Variants in PTP4A1 observed in about 807,000 individuals in gnomAD.
PTP4A1 encodes protein tyrosine phosphatase type IVA 1.
In PTP4A1, 9 loss-of-function variants were observed where a neutral mutation model predicts 20.5. The observed-to-expected ratio is 0.44, with a 90% confidence interval of 0.26 to 0.77. The LOEUF is 0.77. PTP4A1 is among the 30% of genes least tolerant of loss of function. The probability of loss-of-function intolerance (pLI) is 0.19; values close to 1 mark genes in which losing one functional copy is unlikely to be tolerated. For synonymous variants in PTP4A1, 78 were observed against 67.4 expected, an observed-to-expected ratio of 1.16 and a Z score of -0.77; for missense variants, 137 against 218.8, an observed-to-expected ratio of 0.63 and a Z score of 2.36.
rs1778296548 is a variant in PTP4A1, at chr6:63,582,424, C to G, written c.*2250C>G. On this transcript the variant is annotated 3_prime_UTR_variant, in exon 6 of 6. Transcript: ENST00000626021. ...AAATAAATTAATTTACTTTATAAAC[C>G]TTATCTGTACATTATACGATGTGAT... 6.6e-6 allele frequency: 1 copy of G among 152,426 alleles called. No homozygotes were observed. The highest frequency in any genetic ancestry group is 2.4e-5 in the African/African-American group (1 of 41,378). 9.4% of individuals were successfully genotyped at this position (152,426 alleles called of 1,614,324 possible). A position where few individuals can be genotyped will look rare whatever the true frequency, so the allele number is the denominator to read the frequency against.
At chr6:63,570,322 C>T (rs1777362272), upstream of PTP4A1, among the ~76,000 whole-genome samples, 1 of 152,196 alleles carries the variant, frequency 6.6e-6, no homozygotes, top group Admixed American at 6.5e-5. Flanking sequence ...AAGAGCAAGA[C>T]TCCATCTCAA....
Position 63,539,828 on chromosome 6 carries a change from T to C in PTP4A1, c.-639-10472T>C, listed in dbSNP as rs116902844. On this transcript the variant is annotated intron_variant, in intron 2 of 3. Transcript: ENST00000639568. ...AATCTTCAGAAAAAAACTCAAAAGT[T>C]CAGCAAATGTGTGAAGATATGTTTA... Among the ~76,000 whole-genome samples the C allele has an allele frequency of 2.3e-4, 35 of 152,118 alleles. No individual in the cohort carries two copies. In the East Asian group the frequency reaches 6.4e-3, roughly 28 times the overall value.
chr6:63,545,975 A>G (rs1277908022), intron 2 of PTP4A1, among the ~76,000 whole-genome samples: 1 of 152,226 alleles, frequency 6.6e-6, no homozygotes, highest in East Asian at 1.9e-4. Flanking sequence ...AGAGTTTTAA[A>G]AATATTAAAA....
chr6:63,535,963 G>A (rs528333489), intron 2 of PTP4A1, among the ~76,000 whole-genome samples: 2 of 152,172 alleles, frequency 1.3e-5, no homozygotes, highest in South Asian at 4.1e-4. Flanking sequence ...TGTAGAGACA[G>A]TGTTTCACTG....
At chr6:63,535,000 C>T (rs1332406226) in intron 2 of PTP4A1, among the ~76,000 whole-genome samples, 1 of 151,942 alleles carries the variant, frequency 6.6e-6, no homozygotes, top group Non-Finnish European at 1.5e-5. Flanking sequence ...GCAGAGGTTG[C>T]AGTGAGCCAA....
chr6:63,543,443 T>C (rs1776062413), intron 2 of PTP4A1, among the ~76,000 whole-genome samples: 1 of 152,252 alleles, frequency 6.6e-6, no homozygotes, highest in African/African-American at 2.4e-5. Context: ...AAAGTGTAAA[T>C]TATAAGCTCT....
At chr6:63,549,752 A>C (rs575801624) in intron 2 of PTP4A1, among the ~76,000 whole-genome samples, 150 of 152,312 alleles carry the variant, frequency 9.8e-4, no homozygotes, top group Non-Finnish European at 1.8e-3. Context: ...GGAAGCTAAA[A>C]AAAAAAGTTG....
chr6:63,539,273 A>T (rs1775850433), intron 2 of PTP4A1, among the ~76,000 whole-genome samples: 1 of 152,228 alleles, frequency 6.6e-6, no homozygotes, highest in Non-Finnish European at 1.5e-5. Flanking sequence ...TAATATTAAC[A>T]AAGAGATAAA....
intron 3 of PTP4A1, among the ~76,000 whole-genome samples, chr6:63,562,208 T>C (rs1370060445): frequency 2.0e-5 from 3 of 151,444 alleles, no homozygotes; most frequent in Admixed American, 6.6e-5. Context: ...TTTCTTTTTT[T>C]TTTTTTTTGA....
intron 1 of PTP4A1, among the ~76,000 whole-genome samples, 179 bp from the exon 2 acceptor site, chr6:63,576,257 C>T (rs1777860011): frequency 1.3e-5 from 2 of 151,644 alleles, no homozygotes; most frequent in Non-Finnish European, 2.9e-5. Flanking sequence ...TTGTTTTATG[C>T]TGATTGATTT....
chr6:63,548,024 G>A (rs1776281064), intron 2 of PTP4A1, among the ~76,000 whole-genome samples: 1 of 151,988 alleles, frequency 6.6e-6, no homozygotes, highest in Non-Finnish European at 1.5e-5. Context: ...ATTCCCTCTA[G>A]GGATTCCCTG....
At chr6:63,560,591 A>T (rs960245836) in intron 3 of PTP4A1, among the ~76,000 whole-genome samples, 1 of 151,736 alleles carries the variant, frequency 6.6e-6, no homozygotes, top group Admixed American at 6.6e-5. Context: ...TTAAGTAAAG[A>T]TGGGTTTTCG....
chr6:63,547,613 C>A (rs1776254269), intron 2 of PTP4A1, among the ~76,000 whole-genome samples: 1 of 148,900 alleles, frequency 6.7e-6, no homozygotes, highest in African/African-American at 2.5e-5. Context: ...TCATTCCATT[C>A]TCCTGCCTCA....
upstream of PTP4A1, chr6:63,571,035 G>C (rs1226603726): frequency 6.6e-6 from 1 of 151,954 alleles, no homozygotes; most frequent in Non-Finnish European, 1.5e-5. Flanking sequence ...ATTTGTAAAG[G>C]GACATATTTC....
intron 2 of PTP4A1, among the ~76,000 whole-genome samples, chr6:63,542,461 C>T (rs1349263928): frequency 6.6e-6 from 1 of 152,174 alleles, no homozygotes; most frequent in East Asian, 1.9e-4. Context: ...TCAAAAACTA[C>T]TAAATCTGAC....
At chr6:63,554,794 T>A (rs1744155) in intron 3 of PTP4A1, among the ~76,000 whole-genome samples, 81,166 of 151,920 alleles carry the variant, frequency 0.53, 23,469 homozygotes, top group African/African-American at 0.77. Flanking sequence ...CTCAAAAAAA[T>A]GGAACAATTT....
chr6:63,568,151 T>C (rs899191431), upstream of PTP4A1, among the ~76,000 whole-genome samples: 4 of 152,260 alleles, frequency 2.6e-5, no homozygotes, highest in African/African-American at 9.6e-5. Flanking sequence ...GTGGCACTTT[T>C]AACTTCCTTC....
At position 63,576,808 on chromosome 6, in the gene PTP4A1, C is replaced by CT. The variant is rs1777892997; in HGVS notation, c.-70dup. The stretch of plus-strand genomic sequence containing the variant: ...AGTATATTGAAGTAGACTTCAGTTT[C>CT]TTTGCATCATTTCTGTATTCAATTT... On this transcript the variant is annotated 5_prime_UTR_variant, in exon 2 of 6. Coordinates refer to ENST00000626021, the MANE Select transcript of PTP4A1 (RefSeq NM_003463.5). The CT allele has an allele frequency of 3.2e-6, 4 of 1,240,278 alleles. No individual in the cohort carries two copies. Among genetic ancestry groups the CT allele is most frequent in the African/African-American group, 3.0e-5 (2 of 65,648 alleles). 76.8% of individuals were successfully genotyped at this position (1,240,278 alleles called of 1,614,324 possible). A position where few individuals can be genotyped will look rare whatever the true frequency, so the allele number is the denominator to read the frequency against.
chr6:63,555,276 T>C (rs1444174071), intron 3 of PTP4A1, among the ~76,000 whole-genome samples: 1 of 152,144 alleles, frequency 6.6e-6, no homozygotes, highest in East Asian at 1.9e-4. Flanking sequence ...CATTAGAGGA[T>C]TGAGTCAGAT....
Sources: gnomAD v4.1 joint callset for allele counts (sites outside exome capture counted in the v4.1 genomes callset) on GRCh38, gnomAD v4.1.1 for gene constraint, MANE v1.5 for transcripts, NCBI Gene and HGNC (gene_info 2026-07-23, HGNC 2026-07-21) for gene names.